The following PREX1 variants were observed in gnomAD, a reference collection of about 807,000 sequenced individuals.
PREX1 encodes the protein phosphatidylinositol 3,4,5-trisphosphate-dependent Rac exchanger 1 protein.
PREX1 carries 41 observed loss-of-function variants against 198.3 expected under a neutral mutation model. That is an observed-to-expected ratio of 0.21 (90% CI 0.16 to 0.27). The LOEUF is 0.27. Ranked by LOEUF, PREX1 falls within the 10% of genes least tolerant of loss-of-function variation. The pLI is 1.00. For synonymous variants in PREX1, 843 were observed against 887.2 expected, an observed-to-expected ratio of 0.95 and a Z score of 0.89; for missense variants, 1,620 against 2,200.7, an observed-to-expected ratio of 0.74 and a Z score of 5.28.
intron 5 of PREX1, among the ~76,000 whole-genome samples, chr20:48,714,626 T>C (rs1302274580): frequency 6.6e-6 from 1 of 152,170 alleles, no homozygotes; most frequent in Non-Finnish European, 1.5e-5. Context: ...GGTGGAGATA[T>C]GAAAAAAATA....
chr20:48,638,668 A>G (rs2089384974), intron 30 of PREX1, among the ~76,000 whole-genome samples: 1 of 151,742 alleles, frequency 6.6e-6, no homozygotes, highest in East Asian at 1.9e-4. Flanking sequence ...CACGCCAGGC[A>G]GCCAGGCCAG....
chr20:48,814,629 G>T (rs2090451888), intron 1 of PREX1, among the ~76,000 whole-genome samples: 1 of 152,194 alleles, frequency 6.6e-6, no homozygotes, highest in Non-Finnish European at 1.5e-5. Flanking sequence ...GTGAGCTAAA[G>T]CTGGATCACA....
chr20:48,700,226 A>G (rs542496623), intron 7 of PREX1, among the ~76,000 whole-genome samples: 13 of 152,262 alleles, frequency 8.5e-5, no homozygotes, highest in African/African-American at 3.1e-4. Flanking sequence ...CTCAACTTTT[A>G]GAGCTTAGAA....
rs770154340 is a variant in PREX1, at chr20:48,692,764, T to C, written c.944A>G (p.Lys315Arg). 1.9e-6 allele frequency: 3 copies of C among 1,613,976 alleles called. No individual in the cohort carries two copies. Among genetic ancestry groups the C allele is most frequent in the Non-Finnish European group, 2.5e-6 (3 of 1,180,004 alleles). Residue 315 changes from lysine to arginine, a missense_variant, in exon 8 of 40, where the codon AAG becomes AGG. Coordinates refer to ENST00000371941, the MANE Select transcript of PREX1 (RefSeq NM_020820.4). ...SRVTGSKKSTKRTKSINGSLY... is the reference protein window; with the variant it reads ...SRVTGSKKSTRRTKSINGSLY... ...GGAGCCGTTGATGGATTTGGTCCTC[T>C]TGGTGGACTTCTTGCTCCCGGTGAC...
intron 14 of PREX1, among the ~76,000 whole-genome samples, chr20:48,675,156 G>A (rs1442884964): frequency 6.6e-6 from 1 of 152,216 alleles, no homozygotes; most frequent in South Asian, 2.1e-4. Context: ...CATCAGGAGG[G>A]GACTGAGTCA....
chr20:48,677,188 T>C (rs2089715368), intron 13 of PREX1, among the ~76,000 whole-genome samples: 1 of 152,160 alleles, frequency 6.6e-6, no homozygotes, highest in African/African-American at 2.4e-5. Context: ...GCTTCCTTCT[T>C]TGAGGCTGGC....
rs191942653 is a variant in PREX1, at chr20:48,702,909, A to G, written c.784-2023T>C. Among the ~76,000 whole-genome samples, 128 of 152,346 alleles carry G rather than the reference A, an allele frequency of 8.4e-4. 1 individual carries two copies. Among genetic ancestry groups the G allele is most frequent in the African/African-American group, 2.8e-3 (116 of 41,576 alleles). Reference sequence around the variant, plus strand: ...TTATGCAAAAGCAGTGTTTTAAGGGAGTTTCACGTGACAGACCAGCAGATT... The same window carrying G: ...TTATGCAAAAGCAGTGTTTTAAGGGGGTTTCACGTGACAGACCAGCAGATT... On this transcript the variant is annotated intron_variant, in intron 6 of 39. Transcript: ENST00000371941.
chr20:48,844,843 A>T, the PREX1 span, among the ~76,000 whole-genome samples: 2 of 152,206 alleles, frequency 1.3e-5, no homozygotes, highest in African/African-American at 4.8e-5. Context: ...AGTCATCTTG[A>T]TGGATATACT....
chr20:48,806,154 T>C (rs1375863682), intron 1 of PREX1, among the ~76,000 whole-genome samples: 4 of 152,108 alleles, frequency 2.6e-5, no homozygotes, highest in Admixed American at 2.0e-4. Flanking sequence ...ACCAAAAATA[T>C]CTCCAGACAT....
At chr20:48,877,810 C>A in the PREX1 span, among the ~76,000 whole-genome samples, 3 of 151,928 alleles carry the variant, frequency 2.0e-5, no homozygotes, top group Admixed American at 2.0e-4. Context: ...TTCTTCAGAA[C>A]AAAAGCCCAA....
At chr20:48,802,318 C>G (rs917534889) in intron 1 of PREX1, among the ~76,000 whole-genome samples, 8 of 152,182 alleles carry the variant, frequency 5.3e-5, no homozygotes, top group African/African-American at 1.9e-4. Context: ...ATGCAGCCCC[C>G]ACATGGTGCT....
chr20:48,826,180 G>A (rs991353079), intron 1 of PREX1, among the ~76,000 whole-genome samples: 1 of 151,968 alleles, frequency 6.6e-6, no homozygotes, highest in African/African-American at 2.4e-5. Context: ...CCTGGCTCTA[G>A]GGTCTTTGAA....
chr20:48,665,454 T>C (rs1385111638), intron 15 of PREX1, among the ~76,000 whole-genome samples: 2 of 133,106 alleles, frequency 1.5e-5, no homozygotes, highest in South Asian at 2.6e-4. Context: ...GTTCTAATCC[T>C]GGCTCCAGAT....
intron 1 of PREX1, among the ~76,000 whole-genome samples, chr20:48,761,172 G>A (rs1485111186): frequency 2.6e-5 from 4 of 152,188 alleles, no homozygotes; most frequent in Non-Finnish European, 4.4e-5. Context: ...TCATGGGCAG[G>A]GTCAACAGCC....
At chr20:48,760,168 T>G (rs13042318) in intron 1 of PREX1, among the ~76,000 whole-genome samples, 51,640 of 151,482 alleles carry the variant, frequency 0.34, 10,255 homozygotes, top group Non-Finnish European at 0.43. Flanking sequence ...CTAGAGTGTC[T>G]GCAGGGAGTC....
In PREX1 at chr20:48,657,102, G is replaced by A. The variant is rs758233794; in HGVS notation, c.2061C>T (p.Ile687=). 2 of 1,611,252 alleles carry A rather than the reference G, an allele frequency of 1.2e-6. No individual in the cohort carries two copies. Among genetic ancestry groups the A allele is most frequent in the Non-Finnish European group, 1.7e-6 (2 of 1,178,690 alleles). The change falls in exon 18 of 40, where the codon ATC becomes ATT. Residue 687 remains isoleucine (I), a synonymous_variant. Coordinates refer to ENST00000371941, the MANE Select transcript of PREX1 (RefSeq NM_020820.4). ...FLRPFSEVES[I]LNQSFCSRRP... ...GGCGGGAGCAGAAGGACTGGTTGAG[G>A]ATGGACTCCACCTCTGAAAACGGCC...
Position 48,642,153 on chromosome 20 carries a change from T to C in PREX1, c.3775+15A>G. On this transcript the variant is annotated intron_variant, in intron 29 of 39. Transcript: ENST00000371941. ...CCCATCGCAGGCTGTCACCTTGGAC[T>C]GGCTATCCCCTCACCTTGTAAGCTG... 5 of 1,612,768 alleles carry C rather than the reference T, an allele frequency of 3.1e-6. No homozygotes were observed. Among genetic ancestry groups the C allele is most frequent in the Non-Finnish European group, 4.2e-6 (5 of 1,178,726 alleles).
the PREX1 span, among the ~76,000 whole-genome samples, chr20:48,854,649 T>G: frequency 3.3e-5 from 5 of 152,160 alleles, no homozygotes; most frequent in Non-Finnish European, 7.4e-5. Context: ...TTAAACTCAT[T>G]GAATCTCCAT....
intron 5 of PREX1, among the ~76,000 whole-genome samples, chr20:48,711,783 C>T (rs1474173062): frequency 6.6e-6 from 1 of 152,230 alleles, no homozygotes; most frequent in Non-Finnish European, 1.5e-5. Context: ...ATGAGGGCAC[C>T]TGGAATAAAG....
Sources: allele counts gnomAD v4.1 joint callset (sites outside exome capture counted in the v4.1 genomes callset), GRCh38; gene constraint gnomAD v4.1.1; transcripts MANE v1.5; gene names NCBI Gene and HGNC (gene_info 2026-07-23, HGNC 2026-07-21).